MGAT4C: variants seen among roughly 807,000 people sequenced by gnomAD.
The protein encoded by MGAT4C is alpha-1,3-mannosyl-glycoprotein 4-beta-N-acetylglucosaminyltransferase C.
Under a neutral mutation model 40.1 loss-of-function variants are expected in MGAT4C, and 19 were observed. The ratio of observed to expected loss-of-function variants is 0.47; its 90% CI spans 0.33 to 0.70. MGAT4C has a LOEUF of 0.70. Ranked by LOEUF, MGAT4C falls within the 30% of genes least tolerant of loss-of-function variation. MGAT4C has a pLI of 0.02. For synonymous variants in MGAT4C, 181 were observed against 187.1 expected, an observed-to-expected ratio of 0.97 and a Z score of 0.27; for missense variants, 491 against 563.2, an observed-to-expected ratio of 0.87 and a Z score of 1.30.
chr12:86,468,285 A>T (rs1406050177), intron 2 of MGAT4C, among the ~76,000 whole-genome samples: 1 of 150,644 alleles, frequency 6.6e-6, no homozygotes. Context: ...TTTTCAAATC[A>T]TTTTTTTTTC....
intron 1 of MGAT4C, among the ~76,000 whole-genome samples, chr12:86,753,996 C>T (rs1951262770): frequency 6.6e-6 from 1 of 152,036 alleles, no homozygotes; most frequent in African/African-American, 2.4e-5. Flanking sequence ...AAATATTTAC[C>T]TGAGGGCACT....
chr12:85,980,372 C>T lies in MGAT4C; in HGVS notation c.354G>A (p.Glu118=), dbSNP rs763067361. Reference sequence around the variant, plus strand: ...ATTGCTCAAAAATTGACTTAATTGTCTCAAGTAAATAGTTTCCTTTTTTTC... The same window carrying T: ...ATTGCTCAAAAATTGACTTAATTGTTTCAAGTAAATAGTTTCCTTTTTTTC... ...VKRKKGNYLL[E]TIKSIFEQSS... Residue 118 remains glutamate, a synonymous_variant, in exon 5 of 5, where the codon GAG becomes GAA. Transcript: ENST00000611864. 6.2e-7 allele frequency: 1 copy of T among 1,612,918 alleles called. No homozygotes were observed. The highest frequency in any genetic ancestry group is 8.5e-7 in the Non-Finnish European group (1 of 1,179,544).
rs34157468 is a variant in MGAT4C, at chr12:86,446,658, CATATATATATATATATATATATATATAT to C, written c.-228-11421_-228-11394del. Among the ~76,000 whole-genome samples the C allele has an allele frequency of 3.8e-3, 135 of 35,326 alleles. No individual in the cohort carries two copies. The South Asian group carries it at 0.041, about 11-fold the overall frequency. The allele number at this position is 35,326 out of a possible 152,430, so 23.2% of individuals were successfully genotyped here. A position where few individuals can be genotyped will look rare whatever the true frequency, so the allele number is the denominator to read the frequency against. On this transcript the variant is annotated intron_variant, in intron 2 of 7. Coordinates refer to the MGAT4C transcript ENST00000548651. ...GGACTTAAAATTACATCATGTAACT[CATATATATATATATATATATATATATAT>C]ATATATATATATATATATGGATGTG...
At chr12:86,702,572 C>A (rs931711965) in intron 2 of MGAT4C, among the ~76,000 whole-genome samples, 8 of 152,264 alleles carry the variant, frequency 5.3e-5, no homozygotes, top group Non-Finnish European at 1.2e-4. Context: ...ATGTACTCTG[C>A]ATGTGCTGTA....
chr12:86,354,870 G>T (rs1160941480), intron 3 of MGAT4C, among the ~76,000 whole-genome samples: 1 of 152,204 alleles, frequency 6.6e-6, no homozygotes, highest in African/African-American at 2.4e-5. Context: ...AGATGGCAAA[G>T]ACCCAAAGAG....
Position 86,504,367 on chromosome 12 carries a change from A to G in MGAT4C, c.-228-69102T>C, listed in dbSNP as rs533855100. Among the ~76,000 whole-genome samples the G allele has an allele frequency of 1.7e-3, 256 of 152,298 alleles. 2 individuals carry two copies. Among genetic ancestry groups the G allele is most frequent in the Admixed American group, 3.9e-3 (60 of 15,280 alleles). On this transcript the variant is annotated intron_variant, in intron 2 of 7. Coordinates refer to the MGAT4C transcript ENST00000548651. The stretch of plus-strand genomic sequence containing the variant: ...ATTCATAGAAGCAATTATCCATAGT[A>G]ATGAAAAACTAGAATCATCCCAAAT...
chr12:86,825,313 GA>G (rs1952784230), intron 1 of MGAT4C, among the ~76,000 whole-genome samples: 1 of 151,010 alleles, frequency 6.6e-6, no homozygotes, highest in Admixed American at 6.6e-5. Context: ...TTTTAAAAAA[GA>G]AAACTTTTCA....
At chr12:86,611,489 G>GATAA (rs1174640261) in intron 2 of MGAT4C, among the ~76,000 whole-genome samples, 1 of 151,514 alleles carries the variant, frequency 6.6e-6, no homozygotes, top group Non-Finnish European at 1.5e-5. Context: ...TAGATAGATA[G>GATAA]ATAGATAGAT....
At chr12:86,248,594 G>A (rs1157441033) in intron 1 of MGAT4C, among the ~76,000 whole-genome samples, 2 of 152,078 alleles carry the variant, frequency 1.3e-5, no homozygotes, top group Admixed American at 6.6e-5. Context: ...TCCCTTCCAA[G>A]TAGATAGGCA....
rs1480149115 is a variant in MGAT4C at position 86,441,329 on chromosome 12, T to TA, written c.-228-6065_-228-6064insT. Among the ~76,000 whole-genome samples the TA allele has an allele frequency of 6.7e-3, 930 of 139,214 alleles. 7 individuals are homozygous for TA. Among genetic ancestry groups the TA allele is most frequent in the African/African-American group, 0.022 (889 of 40,968 alleles). 91.3% of individuals were successfully genotyped at this position (139,214 alleles called of 152,430 possible). A position where few individuals can be genotyped will look rare whatever the true frequency, so the allele number is the denominator to read the frequency against. On this transcript the variant is annotated intron_variant, in intron 2 of 7. Coordinates refer to the MGAT4C transcript ENST00000548651. ...TAAAGCCAAATCAACCAACTGATTT[T>TA]TTTTATTATTATTTTTATTATTATT...
chr12:86,752,989 T>C (rs971984904), intron 1 of MGAT4C, among the ~76,000 whole-genome samples: 2 of 152,140 alleles, frequency 1.3e-5, no homozygotes, highest in African/African-American at 2.4e-5. Context: ...AACCTTGAGT[T>C]AGACAAAGAT....
intron 4 of MGAT4C, among the ~76,000 whole-genome samples, chr12:86,267,632 A>G (rs1290578261): frequency 6.6e-6 from 1 of 152,178 alleles, no homozygotes; most frequent in Admixed American, 6.5e-5. Context: ...TAGTAATTCA[A>G]TAAAGGGGGG....
rs549158597 is a variant in MGAT4C, at chr12:86,132,132, T to TA, written c.-56-82410dup. 3.4e-3 allele frequency among the ~76,000 whole-genome samples: 515 copies of TA among 152,276 alleles called. 3 individuals are homozygous for TA. Among genetic ancestry groups the TA allele is most frequent in the African/African-American group, 0.012 (493 of 41,584 alleles). Reference sequence around the variant, plus strand: ...TACATATTTATTCTCATGCTGAAATTAAAAACAAAAATCTCTTTGTCTTGA... The same window carrying TA: ...TACATATTTATTCTCATGCTGAAATTAAAAAACAAAAATCTCTTTGTCTTGA... On this transcript the variant is annotated intron_variant, in intron 1 of 4. Transcript: ENST00000611864.
intron 1 of MGAT4C, among the ~76,000 whole-genome samples, chr12:86,767,783 A>T (rs1951542601): frequency 6.6e-6 from 1 of 152,240 alleles, no homozygotes. Flanking sequence ...TTATCTCAAT[A>T]GATGCAGAAA....
chr12:86,557,332 T>A (rs748685138), intron 2 of MGAT4C, among the ~76,000 whole-genome samples: 1 of 152,200 alleles, frequency 6.6e-6, no homozygotes, highest in Non-Finnish European at 1.5e-5. Context: ...TCACCCACCA[T>A]TGGTGCCTGT....
chr12:86,703,300 G>A (rs1291251642), intron 2 of MGAT4C, among the ~76,000 whole-genome samples: 1 of 152,182 alleles, frequency 6.6e-6, no homozygotes, highest in Non-Finnish European at 1.5e-5. Flanking sequence ...GAGAGGATTG[G>A]TTCCAATTTT....
At position 85,979,298 on chromosome 12, in the gene MGAT4C, C is replaced by A; in HGVS notation, c.1428G>T (p.Trp476Cys). 6.3e-7 allele frequency: 1 copy of A among 1,588,780 alleles called. No individual in the cohort carries two copies. The highest frequency in any genetic ancestry group is 8.6e-7 in the Non-Finnish European group (1 of 1,166,212). ...EWLIIRSISIWTS is the reference protein window; with the variant it reads ...EWLIIRSISICTS ...ATACTGATTTAATTGGCTAAGAAGT[C>A]CAAATGCTAATACTCCTAATAATTA... The change falls in exon 5 of 5, where the codon TGG becomes TGT. Residue 476 changes from tryptophan (W) to cysteine (C), a missense_variant. Physicochemically the swap from Trp to Cys is radical, Grantham distance 215. Coordinates refer to ENST00000611864, the MANE Select transcript of MGAT4C (RefSeq NM_001351288.2).
rs144315072 is a variant in MGAT4C, at chr12:86,609,343, C to A, written c.-229+117866G>T. On this transcript the variant is annotated intron_variant, in intron 2 of 7. Coordinates refer to the MGAT4C transcript ENST00000548651. ...CAATGAAGTTGACTTTCAAAGCAAG[C>A]CTTAGAAATTCAACAGAATCAATAT... Among the ~76,000 whole-genome samples, 451 of 152,038 alleles carry A rather than the reference C, an allele frequency of 3.0e-3. 2 individuals are homozygous for A. Among genetic ancestry groups the A allele is most frequent in the African/African-American group, 0.01 (431 of 41,468 alleles).
chr12:86,597,642 A>G (rs796078001), intron 2 of MGAT4C, among the ~76,000 whole-genome samples: 1 of 152,088 alleles, frequency 6.6e-6, no homozygotes, highest in Non-Finnish European at 1.5e-5. Context: ...CTACTGACTC[A>G]GCTGGTTTGA....
Sources: gnomAD v4.1 joint callset for allele counts (sites outside exome capture counted in the v4.1 genomes callset) on GRCh38, gnomAD v4.1.1 for gene constraint, MANE v1.5 for transcripts, NCBI Gene and HGNC (gene_info 2026-07-23, HGNC 2026-07-21) for gene names.